FBLN1: variants seen among roughly 807,000 people sequenced by gnomAD.
FBLN1 encodes the protein fibulin-1.
Under a neutral mutation model 89.7 loss-of-function variants are expected in FBLN1, and 34 were observed. The ratio of observed to expected loss-of-function variants is 0.38; its 90% CI spans 0.29 to 0.50. The LOEUF is 0.50. Among genes scored for constraint, FBLN1 ranks in the 20% least tolerant of loss-of-function variants. The pLI is 0.92. For missense variants in FBLN1, 777 were observed against 988.1 expected (o/e 0.79, Z 2.86); for synonymous variants, 393 against 391.3 (o/e 1.00, Z -0.05).
chr22:45,596,442 G>A (rs2146670211), intron 16 of FBLN1, among the ~76,000 whole-genome samples: 1 of 152,204 alleles, frequency 6.6e-6, no homozygotes, highest in Admixed American at 6.5e-5. Flanking sequence ...GGCACACGTA[G>A]CATGCGCAGA....
In FBLN1 at chr22:45,571,070, G is replaced by A. The variant is rs529013056; in HGVS notation, c.1698-3441G>A. ...TGGGAGGCGGAGGTTGCAGGGAGCC[G>A]AGATCATGCCACTGCATTCCAGCCT... is the stretch of plus-strand genomic sequence containing the variant. On this transcript the variant is annotated intron_variant, in intron 14 of 16. Transcript: ENST00000327858. 3.9e-5 allele frequency among the ~76,000 whole-genome samples: 5 copies of A among 128,712 alleles called. No individual in the cohort carries two copies. The South Asian group carries it at 7.7e-4, about 20-fold the overall frequency. The allele number at this position is 128,712 out of a possible 152,430, so 84.4% of individuals were successfully genotyped here. A position where few individuals can be genotyped will look rare whatever the true frequency, so the allele number is the denominator to read the frequency against.
chr22:45,543,188 A>G (rs1160784320), intron 10 of FBLN1, among the ~76,000 whole-genome samples: 1 of 152,158 alleles, frequency 6.6e-6, no homozygotes, highest in African/African-American at 2.4e-5. Flanking sequence ...AATCACTTGA[A>G]CTGGGAGGCG....
rs1449977941 is a variant in FBLN1 at position 45,577,604 on chromosome 22, G to A, written c.1972+496G>A. Among the ~76,000 whole-genome samples, 2 of 152,220 alleles carry A rather than the reference G, an allele frequency of 1.3e-5. No individual in the cohort carries two copies. Among genetic ancestry groups the A allele is most frequent in the Non-Finnish European group, 2.9e-5 (2 of 68,046 alleles). On this transcript the variant is annotated intron_variant, in intron 16 of 16. Coordinates refer to ENST00000327858, the MANE Select transcript of FBLN1 (RefSeq NM_006486.3). This position sits in a 1 kb window ranked among gnomAD's most constrained non-coding sequence, Gnocchi z 6.6. ...TGGATTCGCCATGTGGCCTTGAGCAGTAGTCGTCCCCTCCCTACGCATCAG... is the reference window on the plus strand; with the variant it reads ...TGGATTCGCCATGTGGCCTTGAGCAATAGTCGTCCCCTCCCTACGCATCAG...
chr22:45,534,337 C>T (rs1018719998), intron 7 of FBLN1, among the ~76,000 whole-genome samples: 5 of 134,656 alleles, frequency 3.7e-5, no homozygotes, highest in East Asian at 4.4e-4. Context: ...ACAAAAATCC[C>T]ACAACTGTTT....
rs1265707204 is a variant in FBLN1, at chr22:45,576,833, G to A, written c.1841-144G>A. On this transcript the variant is annotated intron_variant, in intron 15 of 16. Transcript: ENST00000327858. This position sits in a 1 kb window ranked among gnomAD's most constrained non-coding sequence, Gnocchi z 5.2. ...GACCCCTCCACCCTCCCCACACAGG[G>A]GATCTCTGGCTTCATTGATGTTGTC... is the stretch of plus-strand genomic sequence containing the variant. The A allele has an allele frequency of 2.1e-6, 2 of 932,578 alleles. No homozygotes were observed. Among genetic ancestry groups the A allele is most frequent in the African/African-American group, 3.3e-5 (2 of 61,368 alleles). The allele number at this position is 932,578 out of a possible 1,614,324, so 57.8% of individuals were successfully genotyped here.
In FBLN1 at chr22:45,562,936, T is replaced by C; in HGVS notation, c.1698-11575T>C. 6.2e-7 allele frequency: 1 copy of C among 1,614,080 alleles called. No homozygotes were observed. The highest frequency in any genetic ancestry group is 8.5e-7 in the Non-Finnish European group (1 of 1,180,004). On this transcript the variant is annotated intron_variant, in intron 14 of 16. Coordinates refer to ENST00000327858, the MANE Select transcript of FBLN1 (RefSeq NM_006486.3). This position sits in a 1 kb window ranked among gnomAD's most constrained non-coding sequence, Gnocchi z 7.8. ...GCCGCTGTGAGCGCTTGCCTTGCCA[T>C]GAGAATCGGGAGTGCTCCAAGCTGC... is the stretch of plus-strand genomic sequence containing the variant.
Position 45,525,637 on chromosome 22 carries a change from C to T in FBLN1, c.280C>T (p.Pro94Ser). 1 of 1,551,320 alleles carries T rather than the reference C, an allele frequency of 6.4e-7. No homozygotes were observed. Among genetic ancestry groups the T allele is most frequent in the Non-Finnish European group, 8.7e-7 (1 of 1,146,990 alleles). Residue 94 changes from proline (P) to serine (S), a missense_variant, in exon 3 of 17, where the codon CCC (proline) becomes TCC (serine). Physicochemically the swap from Pro to Ser is moderately conservative, Grantham distance 74 (BLOSUM62 -1). Coordinates refer to ENST00000327858, the MANE Select transcript of FBLN1 (RefSeq NM_006486.3). The part of the protein sequence containing the change: ...LANEQDRCAT[P>S]HGDNASLEAT... ...CAACGAGCAGGACCGCTGTGCCACG[C>T]CCCACGGTGACAACGCCAGCCTGGA...
At chr22:45,526,826 C>A (rs541946696) in intron 3 of FBLN1, among the ~76,000 whole-genome samples, 10 of 152,300 alleles carry the variant, frequency 6.6e-5, no homozygotes, top group African/African-American at 1.9e-4. Context: ...TGACTGCCCC[C>A]GCACCCTCCC....
intron 16 of FBLN1, among the ~76,000 whole-genome samples, chr22:45,582,260 G>A (rs1366051472): frequency 6.6e-6 from 1 of 152,192 alleles, no homozygotes; most frequent in Non-Finnish European, 1.5e-5. Flanking sequence ...TCTGTCAGCC[G>A]TGGTTGAGTC....
Position 45,535,364 on chromosome 22 carries a change from G to A in FBLN1, c.922+27G>A, listed in dbSNP as rs142600522. On this transcript the variant is annotated intron_variant, in intron 8 of 16. Coordinates refer to ENST00000327858, the MANE Select transcript of FBLN1 (RefSeq NM_006486.3). ...TAAGAGGTGTGCCGCCAGGATTAGC[G>A]GGTTATTCCAGGAGGGGCCAGCGAC... The A allele has an allele frequency of 6.5e-4, 1,049 of 1,613,572 alleles. 5 individuals are homozygous for A. The African/African-American group carries it at 0.012, about 18-fold the overall frequency.
Position 45,555,048 on chromosome 22 carries a change from G to A in FBLN1, c.1697+4433G>A, listed in dbSNP as rs544046571. On this transcript the variant is annotated intron_variant, in intron 14 of 16. Transcript: ENST00000327858. ...TCTCCACCGCAGGAGGTTAGGACCC[G>A]TCCCCGTCTCCACCGCAGGAGGTTA... Among the ~76,000 whole-genome samples, 24 of 150,616 alleles carry A rather than the reference G, an allele frequency of 1.6e-4. No homozygotes were observed. In the East Asian group the frequency reaches 2.9e-3, roughly 18 times the overall value.
At chr22:45,567,641 G>T (rs1455384295) in intron 14 of FBLN1, among the ~76,000 whole-genome samples, 5 of 152,076 alleles carry the variant, frequency 3.3e-5, no homozygotes, top group Non-Finnish European at 7.4e-5. Flanking sequence ...AAAACGTGTA[G>T]CGTAGAGACT....
In FBLN1 at chr22:45,543,487, G is replaced by T. The variant is rs200614579; in HGVS notation, c.1282G>T (p.Val428Leu). Residue 428 changes from valine (V) to leucine (L), a missense_variant, in exon 11 of 17, where the codon GTG (valine) becomes TTG (leucine). Val to Leu is a conservative substitution (Grantham distance 32). Transcript: ENST00000327858. ...GGGCTCCTACCTCTGCAGCTGTTCC[G>T]TGGGCTTCCGGCTCTCTGTGGATGG... ...TLGSYLCSCSVGFRLSVDGRS... is the reference protein window; with the variant it reads ...TLGSYLCSCSLGFRLSVDGRS... 2.8e-4 allele frequency: 448 copies of T among 1,613,812 alleles called. 1 individual carries two copies. The highest frequency in any genetic ancestry group is 1.1e-3 in the South Asian group (104 of 91,050).
In FBLN1 at chr22:45,527,837, G is replaced by A. The variant is rs371877989; in HGVS notation, c.322-10G>A. ...GCTCCTCCATCTGGGATCTCCACCT[G>A]TGTTTGCAGAGGTGCTGCCATTGCT... is the stretch of plus-strand genomic sequence containing the variant. On this transcript the variant is annotated splice_polypyrimidine_tract_variant and intron_variant, in intron 3 of 16. Transcript: ENST00000327858. The A allele has an allele frequency of 1.4e-5, 23 of 1,613,554 alleles. No homozygotes were observed. The African/African-American group carries it at 2.8e-4, about 20-fold the overall frequency.
rs1403820532 is a variant in FBLN1, at chr22:45,577,588, C to A, written c.1972+480C>A. ...CAGCCTTGGAACTAGCTGGATTCGC[C>A]ATGTGGCCTTGAGCAGTAGTCGTCC... On this transcript the variant is annotated intron_variant, in intron 16 of 16. Transcript: ENST00000327858. The surrounding 1 kb of genome is among the most constrained non-coding windows in gnomAD (Gnocchi z 6.6). Among the ~76,000 whole-genome samples, 5 of 152,208 alleles carry A rather than the reference C, an allele frequency of 3.3e-5. No homozygotes were observed. Among genetic ancestry groups the A allele is most frequent in the Non-Finnish European group, 7.3e-5 (5 of 68,036 alleles).
chr22:45,589,994 G>C (rs549836053), intron 16 of FBLN1, among the ~76,000 whole-genome samples: 17 of 152,312 alleles, frequency 1.1e-4, no homozygotes, highest in Non-Finnish European at 1.6e-4. Context: ...ACCTTTATCA[G>C]CCTCTGCTGC....
chr22:45,548,344 C>T (rs2088657687), intron 12 of FBLN1, among the ~76,000 whole-genome samples: 1 of 152,220 alleles, frequency 6.6e-6, no homozygotes, highest in South Asian at 2.1e-4. Context: ...CCAGTGCACC[C>T]AGCTGAGGTG....
chr22:45,526,883 G>A (rs1210070037), intron 3 of FBLN1, among the ~76,000 whole-genome samples: 2 of 148,748 alleles, frequency 1.3e-5, no homozygotes, highest in African/African-American at 2.4e-5. Context: ...CCGTCGGTCC[G>A]GCACACAGCT....
At chr22:45,509,372 C>G (rs574794032) in intron 1 of FBLN1, among the ~76,000 whole-genome samples, 1 of 152,178 alleles carries the variant, frequency 6.6e-6, no homozygotes, top group African/African-American at 2.4e-5. Context: ...TGCCTCCTCC[C>G]GGCTGGTTCA....
Sources: gnomAD v4.1 joint callset for allele counts (sites outside exome capture counted in the v4.1 genomes callset) on GRCh38, gnomAD v4.1.1 for gene constraint, Gnocchi (gnomAD v3.1) non-coding constraint, MANE v1.5 for transcripts, NCBI Gene and HGNC (gene_info 2026-07-23, HGNC 2026-07-21) for gene names.